The following FBXW7 variants were observed in gnomAD, a reference collection of about 807,000 sequenced individuals.
The protein encoded by FBXW7 is F-box and WD repeat domain containing 7.
A neutral mutation model predicts 86.3 loss-of-function variants in FBXW7; 11 were observed. The ratio of observed to expected loss-of-function variants is 0.13; its 90% CI spans 0.08 to 0.21. The LOEUF is 0.21. Ranked by LOEUF, FBXW7 falls within the 10% of genes least tolerant of loss-of-function variation. The pLI is 1.00. For synonymous variants in FBXW7, 313 were observed against 297.9 expected, an observed-to-expected ratio of 1.05 and a Z score of -0.52; for missense variants, 488 against 847.4, an observed-to-expected ratio of 0.58 and a Z score of 5.27.
At chr4:152,480,671 A>C (rs1744801766) in intron 2 of FBXW7, among the ~76,000 whole-genome samples, 1 of 152,224 alleles carries the variant, frequency 6.6e-6, no homozygotes, top group African/African-American at 2.4e-5. Context: ...TGAACACATG[A>C]ATAATAGGAA....
At position 152,328,069 on chromosome 4, in the gene FBXW7, G is replaced by C. The variant is rs139254984; in HGVS notation, c.1418+139C>G. 0.012 allele frequency: 8,443 copies of C among 695,570 alleles called. 57 individuals carry two copies. Among genetic ancestry groups the C allele is most frequent in the Non-Finnish European group, 0.016 (7,195 of 438,124 alleles). 43.1% of individuals were successfully genotyped at this position (695,570 alleles called of 1,614,324 possible). ...AAGACAAAACGCTATGGCTTTCCTA[G>C]AATAGAAACATCTGAAGTGTAATAA... is the stretch of plus-strand genomic sequence containing the variant. On this transcript the variant is annotated intron_variant, in intron 11 of 13. Transcript: ENST00000281708.
intron 2 of FBXW7, among the ~76,000 whole-genome samples, chr4:152,485,523 T>C (rs1341013709): frequency 6.6e-6 from 1 of 151,442 alleles, no homozygotes; most frequent in East Asian, 1.9e-4. Flanking sequence ...AAGAGGAATA[T>C]GAAACAAGGA....
At chr4:152,345,070 A>G (rs1731124895) in intron 6 of FBXW7, among the ~76,000 whole-genome samples, 1 of 152,218 alleles carries the variant, frequency 6.6e-6, no homozygotes, top group Admixed American at 6.5e-5. Context: ...ATGGCAACAT[A>G]CAACCATATT....
chr4:152,333,550 A>T (rs1729775291), intron 7 of FBXW7, among the ~76,000 whole-genome samples: 1 of 152,184 alleles, frequency 6.6e-6, no homozygotes, highest in African/African-American at 2.4e-5. Flanking sequence ...ATCACATAAA[A>T]TTTTAAATTA....
chr4:152,414,063 C>G (rs762116725), intron 2 of FBXW7, among the ~76,000 whole-genome samples: 1 of 152,144 alleles, frequency 6.6e-6, no homozygotes, highest in African/African-American at 2.4e-5. Context: ...GGTCACAACA[C>G]TGTTGCCAAC....
chr4:152,326,555 C>A (rs1729039689), intron 11 of FBXW7, among the ~76,000 whole-genome samples: 1 of 151,360 alleles, frequency 6.6e-6, no homozygotes, highest in African/African-American at 2.4e-5. Flanking sequence ...CAGAAGCTGC[C>A]TCTAAATATA....
intron 2 of FBXW7, among the ~76,000 whole-genome samples, chr4:152,498,881 G>A (rs1373373678): frequency 1.3e-5 from 2 of 152,068 alleles, no homozygotes; most frequent in East Asian, 1.9e-4. Flanking sequence ...AAAAAATAGA[G>A]TATAAGTGCT....
chr4:152,531,360 G>C (rs1028069045), intron 2 of FBXW7, among the ~76,000 whole-genome samples: 1 of 152,106 alleles, frequency 6.6e-6, no homozygotes, highest in African/African-American at 2.4e-5. Context: ...CTCTTCCCCA[G>C]AGTTTCTGCC....
At chr4:152,326,850 C>G (rs12512026) in intron 11 of FBXW7, among the ~76,000 whole-genome samples, 1 of 151,934 alleles carries the variant, frequency 6.6e-6, no homozygotes, top group African/African-American at 2.4e-5. Flanking sequence ...TAGACATGTC[C>G]TCAAACACAG....
intron 2 of FBXW7, among the ~76,000 whole-genome samples, chr4:152,477,170 T>A (rs1463452799): frequency 6.6e-6 from 1 of 152,042 alleles, no homozygotes; most frequent in Non-Finnish European, 1.5e-5. Context: ...TCCATAAAAC[T>A]ACAACTGAGT....
chr4:152,352,694 T>C (rs767730723), intron 4 of FBXW7: 6 of 1,613,790 alleles, frequency 3.7e-6, no homozygotes, highest in Admixed American at 1.7e-5. Flanking sequence ...TAAAGGCAAA[T>C]GCAGCTCAGT....
At chr4:152,530,393 C>T (rs1002122632) in intron 2 of FBXW7, 1 of 152,126 alleles carries the variant, frequency 6.6e-6, no homozygotes, top group African/African-American at 2.4e-5. Flanking sequence ...AAATGCTTTA[C>T]ATTTATTTTC....
chr4:152,328,090 A>G (rs1035206487), intron 11 of FBXW7, 118 bp downstream of exon 11: 38 of 802,326 alleles, frequency 4.7e-5, no homozygotes, highest in Non-Finnish European at 7.4e-5. Context: ...TCTGAAGTGT[A>G]ATAATTAAAT....
In FBXW7 at chr4:152,376,862, C is replaced by T. The variant is rs562519193; in HGVS notation, c.502-26738G>A. Among the ~76,000 whole-genome samples, 6 of 151,768 alleles carry T rather than the reference C, an allele frequency of 4.0e-5. No homozygotes were observed. The South Asian group carries it at 1.2e-3, about 32-fold the overall frequency. On this transcript the variant is annotated intron_variant, in intron 4 of 13. Coordinates refer to ENST00000281708, the MANE Select transcript of FBXW7 (RefSeq NM_001349798.2). ...TACAAAAAGACACAGGACAAACATGCATACGGTCTGAATATTTCCAGTTTT... is the reference window on the plus strand; with the variant it reads ...TACAAAAAGACACAGGACAAACATGTATACGGTCTGAATATTTCCAGTTTT...
At chr4:152,340,060 T>C (rs1039680741) in intron 6 of FBXW7, among the ~76,000 whole-genome samples, 5 of 152,034 alleles carry the variant, frequency 3.3e-5, no homozygotes, top group East Asian at 1.9e-4. Flanking sequence ...AGCTAAATAT[T>C]TGAAACTGTG....
At chr4:152,374,340 T>C (rs1734285864) in intron 4 of FBXW7, among the ~76,000 whole-genome samples, 1 of 152,210 alleles carries the variant, frequency 6.6e-6, no homozygotes, top group East Asian at 1.9e-4. Context: ...TAAATGACTA[T>C]ACCATGTGTG....
At chr4:152,485,006 A>T (rs892161651) in intron 2 of FBXW7, among the ~76,000 whole-genome samples, 1 of 151,886 alleles carries the variant, frequency 6.6e-6, no homozygotes, top group African/African-American at 2.4e-5. Flanking sequence ...ATGGATGAAG[A>T]AAAGAAAACA....
At chr4:152,372,255 A>C (rs1445719503) in intron 4 of FBXW7, among the ~76,000 whole-genome samples, 7 of 152,010 alleles carry the variant, frequency 4.6e-5, no homozygotes, top group Admixed American at 1.3e-4. Flanking sequence ...TCAGAGACTT[A>C]AGATAAAGCT....
intron 6 of FBXW7, among the ~76,000 whole-genome samples, chr4:152,345,067 C>G (rs1368924590): frequency 6.6e-6 from 1 of 152,108 alleles, no homozygotes; most frequent in Non-Finnish European, 1.5e-5. Context: ...AGCATGGCAA[C>G]ATACAACCAT....
Sources: gnomAD v4.1 joint callset for allele counts (sites outside exome capture counted in the v4.1 genomes callset) on GRCh38, gnomAD v4.1.1 for gene constraint, MANE v1.5 for transcripts, NCBI Gene and HGNC (gene_info 2026-07-23, HGNC 2026-07-21) for gene names.